SETX: variants seen among roughly 807,000 people sequenced by gnomAD.
SETX encodes senataxin, also known as helicase senataxin.
Under a neutral mutation model 227.2 loss-of-function variants are expected in SETX, and 90 were observed. The ratio of observed to expected loss-of-function variants is 0.40; its 90% confidence interval spans 0.33 to 0.47. The LOEUF (loss-of-function observed/expected upper bound fraction) is 0.47, where lower values mean the gene tolerates loss of function less well. Ranked by LOEUF, SETX falls within the 20% of genes least tolerant of loss-of-function variation. SETX has a pLI of 0.91. For missense variants in SETX, 3,052 were observed against 3,181.5 expected (o/e 0.96, Z 0.98); for synonymous variants, 1,210 against 1,113.2 (o/e 1.09, Z -1.73).
chr9:132,276,164 T>C (rs1019308748), intron 22 of SETX, among the ~76,000 whole-genome samples: 4 of 152,192 alleles, frequency 2.6e-5, no homozygotes, highest in Non-Finnish European at 5.9e-5. Flanking sequence ...TAAATACCCA[T>C]TCTCCTAACT....
intron 23 of SETX, among the ~76,000 whole-genome samples, chr9:132,272,213 C>A (rs1842938372): frequency 6.6e-6 from 1 of 152,174 alleles, no homozygotes; most frequent in African/African-American, 2.4e-5. Flanking sequence ...CTTGTCCAGG[C>A]TGGAGTGCAC....
chr9:132,348,390 A>C (rs1378847858), intron 3 of SETX, among the ~76,000 whole-genome samples: 2 of 147,456 alleles, frequency 1.4e-5, no homozygotes, highest in Non-Finnish European at 3.0e-5. Flanking sequence ...AAAAAAAAAC[A>C]ACCCACTAAC....
chr9:132,329,993 A>T lies in SETX; in HGVS notation c.1605T>A (p.Tyr535Ter). Residue 535 changes from tyrosine to a stop codon, truncating the protein, a stop_gained, in exon 10 of 26, where the codon TAT (tyrosine) becomes TAA (stop). Transcript: ENST00000224140. LOFTEE classifies it high-confidence loss of function. ...TAAGGAGACTTCTAATCAGCTGCAC[A>T]TAAGCAAGTTGTACAGAGTTAGATG... is the stretch of plus-strand genomic sequence containing the variant. ...SMPSNSVQLA[Y>*]VQLIRSLLKE... The T allele has an allele frequency of 1.2e-6, 2 of 1,614,144 alleles. No individual in the cohort carries two copies. The highest frequency in any genetic ancestry group is 1.7e-6 in the Non-Finnish European group (2 of 1,179,934).
chr9:132,280,875 C>A (rs530883877), intron 20 of SETX, among the ~76,000 whole-genome samples: 2 of 152,244 alleles, frequency 1.3e-5, no homozygotes, highest in East Asian at 3.9e-4. Flanking sequence ...CAGTCTGGTT[C>A]TTCTCTTCCC....
chr9:132,354,495 C>CA (rs11316762), intron 1 of SETX, among the ~76,000 whole-genome samples: 2,912 of 85,448 alleles, frequency 0.034, 95 homozygotes, highest in East Asian at 0.19. Flanking sequence ...GACCCCGTCT[C>CA]AAAAAAAAAA....
At chr9:132,282,365 G>A (rs189322287) in intron 19 of SETX, among the ~76,000 whole-genome samples, 59 of 149,938 alleles carry the variant, frequency 3.9e-4, no homozygotes, top group Non-Finnish European at 7.8e-4. Flanking sequence ...TGACATGATC[G>A]TTGTTCACCG....
chr9:132,310,574 C>A (rs899052360), intron 11 of SETX, among the ~76,000 whole-genome samples: 2 of 152,206 alleles, frequency 1.3e-5, no homozygotes, highest in African/African-American at 4.8e-5. Flanking sequence ...GATTTTAGGA[C>A]AGTTCTCATC....
Position 132,300,727 on chromosome 9 carries a change from T to A in SETX, c.5451A>T (p.Arg1817Ser). The A allele has an allele frequency of 6.2e-7, 1 of 1,613,770 alleles. No individual in the cohort carries two copies. The highest frequency in any genetic ancestry group is 1.1e-5 in the South Asian group (1 of 91,076). The change falls in exon 12 of 26, where the codon AGA becomes AGT. Residue 1817 changes from arginine (R) to serine (S), a missense_variant. Arg to Ser is a moderately radical substitution (Grantham distance 110). Transcript: ENST00000224140. ...CTGTATCTTTCTTCTCTTCATTTATTCTCTCAGGAGCTAAAAACACCAAAT... is the reference window on the plus strand; with the variant it reads ...CTGTATCTTTCTTCTCTTCATTTATACTCTCAGGAGCTAAAAACACCAAAT... ...ENDLVFLAPERINEEKKDTER... is the reference protein window; with the variant it reads ...ENDLVFLAPESINEEKKDTER...
intron 25 of SETX, among the ~76,000 whole-genome samples, chr9:132,266,870 A>G (rs558900123): frequency 6.6e-6 from 1 of 152,354 alleles, no homozygotes; most frequent in Non-Finnish European, 1.5e-5. Flanking sequence ...TAAATTGCCA[A>G]CCTTATTATT....
chr9:132,283,540 A>C, intron 18 of SETX, 127 bp from the exon 19 acceptor site: 1 of 1,173,468 alleles, frequency 8.5e-7, no homozygotes, highest in Non-Finnish European at 1.2e-6. Context: ...ATTTAGTAAA[A>C]GTTAGGGGAA....
intron 5 of SETX, among the ~76,000 whole-genome samples, chr9:132,341,574 A>G (rs1433672257): frequency 1.3e-5 from 2 of 152,238 alleles, no homozygotes; most frequent in African/African-American, 4.8e-5. Flanking sequence ...CATAAGGGCT[A>G]GGCAGACTCA....
At chr9:132,288,438 A>C in intron 16 of SETX, 87 bp from the exon 17 acceptor site, 13 of 1,399,138 alleles carry the variant, frequency 9.3e-6, no homozygotes, top group Non-Finnish European at 1.3e-5. Context: ...AAGGAAAATT[A>C]GTTCCCAAAG....
At chr9:132,334,094 A>G (rs1298772563) in intron 7 of SETX, among the ~76,000 whole-genome samples, 1 of 152,098 alleles carries the variant, frequency 6.6e-6, no homozygotes, top group East Asian at 1.9e-4. Flanking sequence ...CAACTTTTTC[A>G]TCATGAAAAA....
Position 132,329,912 on chromosome 9 carries a change from G to C in SETX, c.1686C>G (p.Leu562=). 1.2e-6 allele frequency: 2 copies of C among 1,614,152 alleles called. No individual in the cohort carries two copies. Among genetic ancestry groups the C allele is most frequent in the South Asian group, 1.1e-5 (1 of 91,086 alleles). ...ATAAATTTCCTCTAAGGAATAAGTT[G>C]AGCTTATCCCAGAATCGCTTGCAAA... is the stretch of plus-strand genomic sequence containing the variant. ...QSLCKRFWDK[L]NLFLRGNLSL... Residue 562 remains leucine, a synonymous_variant, in exon 10 of 26, where the codon CTC becomes CTG. Coordinates refer to ENST00000224140, the MANE Select transcript of SETX (RefSeq NM_015046.7).
Position 132,327,721 on chromosome 9 carries a change from G to C in SETX, c.3877C>G (p.Pro1293Ala). ...TGGGACAACTCATATGCCTTACGAG[G>C]ACCCTTTTTCAGGCCAAGTTTCTCA... ...TAEKLGLKKG[P>A]RKAYELSQRS... Residue 1293 changes from proline to alanine, a missense_variant, in exon 10 of 26, where the codon CCT becomes GCT. Physicochemically the swap from Pro to Ala is conservative, Grantham distance 27. This residue lies in a region of SETX where 1,483 missense variants were observed against 1,312.0 expected (regional missense o/e 1.13). Transcript: ENST00000224140. 1 of 1,614,160 alleles carries C rather than the reference G, an allele frequency of 6.2e-7. No homozygotes were observed. Among genetic ancestry groups the C allele is most frequent in the Non-Finnish European group, 8.5e-7 (1 of 1,180,028 alleles).
intron 25 of SETX, among the ~76,000 whole-genome samples, chr9:132,265,375 G>A (rs1441073361): frequency 6.6e-6 from 1 of 151,720 alleles, no homozygotes; most frequent in Non-Finnish European, 1.5e-5. Flanking sequence ...ACAGGCACCC[G>A]CCACCACGCC....
intron 6 of SETX, among the ~76,000 whole-genome samples, chr9:132,335,110 G>C (rs988817825): frequency 1.3e-5 from 2 of 152,032 alleles, no homozygotes; most frequent in African/African-American, 4.8e-5. Context: ...GTATTTTGAG[G>C]CCGGGCGTGG....
At position 132,280,519 on chromosome 9, in the gene SETX, C is replaced by T. The variant is rs146739451; in HGVS notation, c.6654+948G>A. Among the ~76,000 whole-genome samples the T allele has an allele frequency of 3.2e-3, 491 of 152,266 alleles. 3 individuals are homozygous for T. The highest frequency in any genetic ancestry group is 0.011 in the African/African-American group (467 of 41,546). ...ACTGGGTGACGGGTGTGCTTCTGGG[C>T]CACACTCTAACATGATCATGTACCT... On this transcript the variant is annotated intron_variant, in intron 20 of 25. Coordinates refer to ENST00000224140, the MANE Select transcript of SETX (RefSeq NM_015046.7).
chr9:132,264,086 G>A lies in SETX; in HGVS notation c.*153C>T. The A allele has an allele frequency of 1.2e-5, 12 of 1,024,306 alleles. No individual in the cohort carries two copies. Among genetic ancestry groups the A allele is most frequent in the Non-Finnish European group, 1.6e-5 (11 of 685,374 alleles). The allele number at this position is 1,024,306 out of a possible 1,614,324, so 63.5% of individuals were successfully genotyped here. On this transcript the variant is annotated 3_prime_UTR_variant, in exon 26 of 26. Coordinates refer to ENST00000224140, the MANE Select transcript of SETX (RefSeq NM_015046.7). ...GCAAATGACAGAAAATACTGAAGATGACCAGAGGCTCAGGTGTTAAGGATG... is the reference window on the plus strand; with the variant it reads ...GCAAATGACAGAAAATACTGAAGATAACCAGAGGCTCAGGTGTTAAGGATG...
Sources: gnomAD v4.1 joint callset for allele counts (sites outside exome capture counted in the v4.1 genomes callset) on GRCh38, gnomAD v4.1.1 for gene constraint, gnomAD v4.1.1 regional missense constraint, MANE v1.5 for transcripts, NCBI Gene and HGNC (gene_info 2026-07-23, HGNC 2026-07-21) for gene names.